UBE2W: variants seen among roughly 807,000 people sequenced by gnomAD.
The protein encoded by UBE2W is ubiquitin-conjugating enzyme E2 W.
Under a neutral mutation model 27.2 loss-of-function variants are expected in UBE2W, and 18 were observed. The ratio of observed to expected loss-of-function variants is 0.66; its 90% CI spans 0.46 to 0.98. UBE2W has a LOEUF of 0.98. Among genes scored for constraint, UBE2W ranks in the 50% least tolerant of loss-of-function variants. UBE2W has a pLI of 0.00. For synonymous variants in UBE2W, 53 were observed against 57.2 expected (o/e 0.93, Z 0.33); for missense variants, 90 against 180.2 (o/e 0.50, Z 2.87).
At chr8:73,839,347 T>TAAAAAAAAAAAAAAAA (rs34467910) in intron 1 of UBE2W, among the ~76,000 whole-genome samples, 1 of 131,708 alleles carries the variant, frequency 7.6e-6, no homozygotes. Flanking sequence ...TGCTCCTAGT[T>TAAAAAAAAAAAAAAAA]AAAAAAAAAA....
Position 73,805,673 on chromosome 8 carries a change from C to A in UBE2W, c.420G>T (p.Lys140Asn). ...TACCATGATACCACCATTTTGTTTT[C>A]TTTGGATTCTTGTTACATGTTCGCA... ...FYVRTCNKNP[K>N]KTKWWYHDDT... The change falls in exon 5 of 6, where the codon AAG becomes AAT. Residue 140 changes from lysine (K) to asparagine (N), a missense_variant. Coordinates refer to ENST00000602593, the MANE Select transcript of UBE2W (RefSeq NM_018299.6). 1 of 1,546,306 alleles carries A rather than the reference C, an allele frequency of 6.5e-7. No individual in the cohort carries two copies. Among genetic ancestry groups the A allele is most frequent in the Non-Finnish European group, 8.8e-7 (1 of 1,141,676 alleles).
At chr8:73,867,866 T>C (rs956517114) in intron 1 of UBE2W, among the ~76,000 whole-genome samples, 5 of 152,124 alleles carry the variant, frequency 3.3e-5, no homozygotes, top group African/African-American at 1.2e-4. Context: ...CACACTAGGA[T>C]GCTATCATCA....
intron 1 of UBE2W, among the ~76,000 whole-genome samples, chr8:73,848,230 G>C: frequency 6.6e-6 from 1 of 150,552 alleles, no homozygotes; most frequent in East Asian, 1.9e-4. Context: ...ATAAATAATT[G>C]GTAAATTGTA....
chr8:73,822,631 A>AAAAAAAAT (rs1563593366), intron 3 of UBE2W, among the ~76,000 whole-genome samples: 8 of 141,694 alleles, frequency 5.6e-5, no homozygotes, highest in African/African-American at 5.5e-5. Flanking sequence ...AAAAAAAAAA[A>AAAAAAAAT]AAATTAGCTG....
chr8:73,789,767 G>T lies in UBE2W; in HGVS notation c.*4335C>A. On this transcript the variant is annotated 3_prime_UTR_variant, in exon 6 of 6. Coordinates refer to ENST00000602593, the MANE Select transcript of UBE2W (RefSeq NM_018299.6). The stretch of plus-strand genomic sequence containing the variant: ...GCAGGAGAATCGCTTAGACCCAGGA[G>T]GTGGAGATTGAAATGAGCCAAGATC... 1 of 353,526 alleles carries T rather than the reference G, an allele frequency of 2.8e-6. No individual in the cohort carries two copies. Among genetic ancestry groups the T allele is most frequent in the Non-Finnish European group, 4.0e-6 (1 of 252,580 alleles). The allele number at this position is 353,526 out of a possible 1,614,324, so 21.9% of individuals were successfully genotyped here.
chr8:73,780,460 A>T (rs1807821114), exon 5 of UBE2W: 3 of 451,694 alleles, frequency 6.6e-6, no homozygotes, highest in Admixed American at 2.4e-5. Flanking sequence ...ACTTCAACAC[A>T]TCTTATTGGA....
At chr8:73,833,992 G>C in intron 1 of UBE2W, 1 of 152,172 alleles carries the variant, frequency 6.6e-6, no homozygotes, top group East Asian at 1.9e-4. Context: ...CAGAACTCCT[G>C]CCGCAGCTTT....
intron 1 of UBE2W, among the ~76,000 whole-genome samples, chr8:73,849,404 T>C (rs1810970213): frequency 6.7e-6 from 1 of 149,790 alleles, no homozygotes; most frequent in Non-Finnish European, 1.5e-5. Flanking sequence ...CCCAGCTACT[T>C]TGGAGGCTGA....
chr8:73,872,899 T>C (rs58731569), intron 1 of UBE2W, among the ~76,000 whole-genome samples: 3,994 of 149,228 alleles, frequency 0.027, 158 homozygotes, highest in African/African-American at 0.091. Flanking sequence ...TTTTTTTTTT[T>C]CCTTTTTTTT....
At chr8:73,876,049 C>A (rs1156623842) in intron 1 of UBE2W, among the ~76,000 whole-genome samples, 1 of 152,066 alleles carries the variant, frequency 6.6e-6, no homozygotes, top group Non-Finnish European at 1.5e-5. Context: ...GAGACTCCAT[C>A]TCAACACAAA....
In UBE2W at chr8:73,788,050, T is replaced by C. The variant is rs1808033446; in HGVS notation, c.*6052A>G. On this transcript the variant is annotated 3_prime_UTR_variant, in exon 6 of 6. Transcript: ENST00000602593. ...TCAGTCTTTTGTGAAGAGAAACTACTGTACAAATACTTTTACGTCATAAAC... is the reference window on the plus strand; with the variant it reads ...TCAGTCTTTTGTGAAGAGAAACTACCGTACAAATACTTTTACGTCATAAAC... 1 of 985,376 alleles carries C rather than the reference T, an allele frequency of 1.0e-6. No homozygotes were observed. The highest frequency in any genetic ancestry group is 1.2e-6 in the Non-Finnish European group (1 of 829,866). 61.0% of individuals were successfully genotyped at this position (985,376 alleles called of 1,614,324 possible).
intron 1 of UBE2W, among the ~76,000 whole-genome samples, chr8:73,861,892 A>C (rs1450426557): frequency 6.6e-6 from 1 of 152,236 alleles, no homozygotes; most frequent in African/African-American, 2.4e-5. Context: ...ATAAGTGCTC[A>C]GATATGTACA....
intron 5 of UBE2W, among the ~76,000 whole-genome samples, chr8:73,800,545 T>C (rs1808594132): frequency 1.3e-5 from 2 of 152,118 alleles, no homozygotes; most frequent in African/African-American, 4.8e-5. Flanking sequence ...AATAGCTCAT[T>C]TGCATTGGGG....
At chr8:73,810,774 T>C (rs889056530) in intron 3 of UBE2W, 145 bp from the exon 4 acceptor site, 1 of 552,556 alleles carries the variant, frequency 1.8e-6, no homozygotes, top group African/African-American at 2.0e-5. Flanking sequence ...AACTGCTTAT[T>C]TGTTTACTCT....
chr8:73,796,728 A>G, intron 5 of UBE2W: 1 of 883,692 alleles, frequency 1.1e-6, no homozygotes, highest in Non-Finnish European at 1.4e-6. Context: ...AACTTTAAGT[A>G]TAGATACAAC....
intron 1 of UBE2W, among the ~76,000 whole-genome samples, chr8:73,878,061 A>T (rs1812309735): frequency 6.6e-6 from 1 of 152,196 alleles, no homozygotes; most frequent in African/African-American, 2.4e-5. Context: ...AGTGGGAAAC[A>T]AAATAGAAGG....
chr8:73,855,245 T>C (rs1028202029), intron 1 of UBE2W, among the ~76,000 whole-genome samples: 15 of 152,190 alleles, frequency 9.9e-5, no homozygotes, highest in African/African-American at 3.6e-4. Context: ...GATATGCAAT[T>C]TAAATGCGAG....
intron 4 of UBE2W, 73 bp downstream of exon 4, chr8:73,810,401 T>C: frequency 7.3e-7 from 1 of 1,364,038 alleles, no homozygotes; most frequent in East Asian, 2.6e-5. Flanking sequence ...ATAAAAATAA[T>C]TACATATTAA....
At chr8:73,781,926 CTCCTT>C (rs1807852358), downstream of UBE2W, among the ~76,000 whole-genome samples, 3 of 128,562 alleles carry the variant, frequency 2.3e-5, no homozygotes, top group Admixed American at 9.3e-5. Context: ...TACTAAAAGC[CTCCTT>C]TTTTTTTTTT....
Sources: gnomAD v4.1 joint callset for allele counts (sites outside exome capture counted in the v4.1 genomes callset) on GRCh38, gnomAD v4.1.1 for gene constraint, MANE v1.5 for transcripts, NCBI Gene and HGNC (gene_info 2026-07-23, HGNC 2026-07-21) for gene names.